ZFHX4: variants seen among roughly 807,000 people sequenced by gnomAD.
ZFHX4 encodes zinc finger homeobox 4, also known as zinc finger homeobox protein 4.
A neutral mutation model predicts 267.6 loss-of-function variants in ZFHX4; 56 were observed. The observed-to-expected ratio is 0.21, with a 90% CI of 0.17 to 0.26. ZFHX4 has a LOEUF of 0.26. ZFHX4 is among the 10% of genes least tolerant of loss of function. ZFHX4 has a pLI of 1.00. For missense variants in ZFHX4, 4,332 were observed against 4,420.0 expected, an observed-to-expected ratio of 0.98 and a Z score of 0.56; for synonymous variants, 1,778 against 1,665.6, an observed-to-expected ratio of 1.07 and a Z score of -1.64.
At chr8:76,736,929 G>A (rs1809174521) in intron 3 of ZFHX4, among the ~76,000 whole-genome samples, 1 of 152,064 alleles carries the variant, frequency 6.6e-6, no homozygotes, top group Admixed American at 6.6e-5. Context: ...GGAACATTGA[G>A]CATCAGATGA....
chr8:76,724,126 T>C (rs1415306684), intron 3 of ZFHX4, among the ~76,000 whole-genome samples: 1 of 151,964 alleles, frequency 6.6e-6, no homozygotes. Context: ...ATAGTGAAGG[T>C]TGAAGGAGAT....
Position 76,855,741 on chromosome 8 carries a change from A to G in ZFHX4, c.8820A>G (p.Gln2940=), listed in dbSNP as rs757954767. 13 of 1,613,922 alleles carry G rather than the reference A, an allele frequency of 8.1e-6. No homozygotes were observed. The highest frequency in any genetic ancestry group is 1.0e-5 in the Non-Finnish European group (12 of 1,179,860). ...KRFRTQMSNL[Q]LKVLKACFSD... Reference sequence around the variant, plus strand: ...TTCGAACGCAAATGAGCAATCTTCAACTCAAGGTTCTCAAGGCTTGCTTTA... The same window carrying G: ...TTCGAACGCAAATGAGCAATCTTCAGCTCAAGGTTCTCAAGGCTTGCTTTA... Residue 2940 remains glutamine (Q), a synonymous_variant, in exon 10 of 11, where the codon CAA becomes CAG. Coordinates refer to ENST00000651372, the MANE Select transcript of ZFHX4 (RefSeq NM_024721.5).
At chr8:76,719,114 A>AT (rs1275359261) in intron 3 of ZFHX4, among the ~76,000 whole-genome samples, 108 of 140,508 alleles carry the variant, frequency 7.7e-4, no homozygotes, top group African/African-American at 2.5e-3. Flanking sequence ...AAGACCTATT[A>AT]TTTTTTTTTG....
At chr8:76,751,445 C>G (rs1290209009) in intron 3 of ZFHX4, among the ~76,000 whole-genome samples, 1 of 152,168 alleles carries the variant, frequency 6.6e-6, no homozygotes. Flanking sequence ...TAATGCCACT[C>G]AGAATCCTTC....
In ZFHX4 at chr8:76,705,459, C is replaced by T. The variant is rs547602121; in HGVS notation, c.1371C>T (p.Asn457=). 8 of 1,613,540 alleles carry T rather than the reference C, an allele frequency of 5.0e-6. No homozygotes were observed. Among genetic ancestry groups the T allele is most frequent in the Middle Eastern group, 1.6e-4 (1 of 6,084 alleles). ...AAGAAAGCAACGTTTTACACCCAAACGGGGAGTGCCCTGTCAAAAGTGAAC... is the reference window on the plus strand; with the variant it reads ...AAGAAAGCAACGTTTTACACCCAAATGGGGAGTGCCCTGTCAAAAGTGAAC... ...RPKESNVLHP[N]GECPVKSEPT... Residue 457 remains asparagine, a synonymous_variant, in exon 2 of 11, where the codon AAC becomes AAT. Coordinates refer to ENST00000651372, the MANE Select transcript of ZFHX4 (RefSeq NM_024721.5).
At chr8:76,720,588 G>A (rs1048299111) in intron 3 of ZFHX4, among the ~76,000 whole-genome samples, 19 of 152,140 alleles carry the variant, frequency 1.2e-4, no homozygotes, top group East Asian at 1.2e-3. Flanking sequence ...CATTACTGCC[G>A]TCTGTTCTTA....
chr8:76,720,304 A>G (rs771524274), intron 3 of ZFHX4, among the ~76,000 whole-genome samples: 2 of 152,142 alleles, frequency 1.3e-5, no homozygotes, highest in African/African-American at 2.4e-5. Flanking sequence ...TTCACTTAGC[A>G]TAATGTTTTT....
Position 76,863,102 on chromosome 8 carries a change from C to T in ZFHX4, c.9388C>T (p.Pro3130Ser). 1 of 1,512,736 alleles carries T rather than the reference C, an allele frequency of 6.6e-7. No individual in the cohort carries two copies. The highest frequency in any genetic ancestry group is 1.3e-5 in the South Asian group (1 of 75,740). The allele number at this position is 1,512,736 out of a possible 1,614,324, so 93.7% of individuals were successfully genotyped here. The change falls in exon 11 of 11, where the codon CCT (proline) becomes TCT (serine). Residue 3130 changes from proline to serine, a missense_variant. Around this residue, in one of 7 missense-constraint regions of ZFHX4, gnomAD observed 1,648 missense variants for 1,625.0 expected, o/e 1.01. Coordinates refer to ENST00000651372, the MANE Select transcript of ZFHX4 (RefSeq NM_024721.5). ...TCTGTTGTTGTTTTCAGCTTTAACA[C>T]CTCCCGGTGCAGGCATGCTTGGGTT... ...GFPQNSNTLT[P>S]PGAGMLGFPT...
At chr8:76,814,025 A>G (rs566439544) in intron 4 of ZFHX4, among the ~76,000 whole-genome samples, 1 of 152,176 alleles carries the variant, frequency 6.6e-6, no homozygotes, top group Non-Finnish European at 1.5e-5. Context: ...ATGTAGTTTG[A>G]CAATAACCGT....
chr8:76,703,319 G>T (rs1808153187), intron 1 of ZFHX4, among the ~76,000 whole-genome samples: 1 of 152,144 alleles, frequency 6.6e-6, no homozygotes, highest in Non-Finnish European at 1.5e-5. Context: ...GAATGTGATT[G>T]TCCCCTAGGA....
intron 4 of ZFHX4, among the ~76,000 whole-genome samples, chr8:76,830,736 A>AT (rs1320311220): frequency 6.6e-6 from 1 of 152,178 alleles, no homozygotes; most frequent in Admixed American, 6.5e-5. Context: ...TGATTTTGAC[A>AT]TTTTGTACAT....
intron 3 of ZFHX4, among the ~76,000 whole-genome samples, chr8:76,732,142 A>G (rs1234426233): frequency 6.6e-6 from 1 of 151,968 alleles, no homozygotes; most frequent in African/African-American, 2.4e-5. Context: ...ACACCTGACC[A>G]TGATCACATT....
intron 5 of ZFHX4, chr8:76,834,539 T>G (rs1048670452): frequency 6.4e-6 from 1 of 156,000 alleles, no homozygotes; most frequent in African/African-American, 2.4e-5. Flanking sequence ...TTGCCATCTG[T>G]GTATCTTCTT....
chr8:76,785,553 G>T (rs28577115), intron 4 of ZFHX4, among the ~76,000 whole-genome samples: 16,616 of 152,094 alleles, frequency 0.11, 997 homozygotes, highest in East Asian at 0.17. Flanking sequence ...TTTCTGAGAA[G>T]CGTAATACAA....
At chr8:76,742,476 G>A (rs1033801229) in intron 3 of ZFHX4, among the ~76,000 whole-genome samples, 2 of 151,998 alleles carry the variant, frequency 1.3e-5, no homozygotes, top group African/African-American at 4.8e-5. Flanking sequence ...TTTTTAGAAG[G>A]CCTGAGAGTT....
chr8:76,775,641 C>T (rs549136767), intron 3 of ZFHX4, among the ~76,000 whole-genome samples: 3 of 152,260 alleles, frequency 2.0e-5, no homozygotes, highest in African/African-American at 7.2e-5. Flanking sequence ...TAGCCCAAGC[C>T]TTTTCTTTTA....
chr8:76,845,705 C>T (rs2728449), intron 6 of ZFHX4, among the ~76,000 whole-genome samples: 1,670 of 151,900 alleles, frequency 0.011, 12 homozygotes, highest in South Asian at 0.021. Context: ...CGTTTACAGC[C>T]TTCTGTATTT....
chr8:76,704,708 C>A lies in ZFHX4; in HGVS notation c.620C>A (p.Ala207Asp). 6.2e-7 allele frequency: 1 copy of A among 1,613,978 alleles called. No homozygotes were observed. Residue 207 changes from alanine to aspartate, a missense_variant, in exon 2 of 11, where the codon GCC becomes GAC. Physicochemically the swap from Ala to Asp is moderately radical, Grantham distance 126. Coordinates refer to ENST00000651372, the MANE Select transcript of ZFHX4 (RefSeq NM_024721.5). The part of the protein sequence containing the change: ...IASSLGKPFT[A>D]DQAFPNTSAL... Reference sequence around the variant, plus strand: ...TCATCCCTCGGGAAACCATTTACAGCCGATCAGGCTTTCCCAAATACCTCA... The same window carrying A: ...TCATCCCTCGGGAAACCATTTACAGACGATCAGGCTTTCCCAAATACCTCA...
chr8:76,725,949 G>A (rs1275867369), intron 3 of ZFHX4, among the ~76,000 whole-genome samples: 1 of 152,128 alleles, frequency 6.6e-6, no homozygotes, highest in Non-Finnish European at 1.5e-5. Context: ...ATAGATTTGT[G>A]TTGCTTGAGG....
Sources: allele counts gnomAD v4.1 joint callset (sites outside exome capture counted in the v4.1 genomes callset), GRCh38; gene constraint gnomAD v4.1.1; regional missense constraint gnomAD v4.1.1; transcripts MANE v1.5; gene names NCBI Gene and HGNC (gene_info 2026-07-23, HGNC 2026-07-21).